The following HCN4 variants were observed in gnomAD, a reference collection of about 807,000 sequenced individuals.
HCN4 encodes potassium/sodium hyperpolarization-activated cyclic nucleotide-gated channel 4.
In HCN4, 29 loss-of-function variants were observed where a neutral mutation model predicts 76.9. The observed-to-expected ratio is 0.38, with a 90% CI of 0.28 to 0.51. The LOEUF (loss-of-function observed/expected upper bound fraction) is 0.51, where lower values mean the gene tolerates loss of function less well. HCN4 is among the 20% of genes least tolerant of loss of function. The pLI is 0.90. For missense variants in HCN4, 1,416 were observed against 1,715.2 expected (o/e 0.83, Z 3.08); for synonymous variants, 772 against 762.5 (o/e 1.01, Z -0.21).
At chr15:73,358,702 T>C (rs1244271055) in intron 1 of HCN4, among the ~76,000 whole-genome samples, 1 of 152,188 alleles carries the variant, frequency 6.6e-6, no homozygotes, top group Non-Finnish European at 1.5e-5. Flanking sequence ...AGGTTCTGAA[T>C]AAGCAGCCCC....
intron 1 of HCN4, among the ~76,000 whole-genome samples, chr15:73,345,105 G>A (rs1255905836): frequency 6.6e-6 from 1 of 152,250 alleles, no homozygotes; most frequent in Non-Finnish European, 1.5e-5. Context: ...CTTTCCTCGA[G>A]TCTTCAGAGG....
In HCN4 at chr15:73,343,324, G is replaced by A. The variant is rs2043015646; in HGVS notation, c.1209+61C>T. The A allele has an allele frequency of 1.3e-6, 2 of 1,533,990 alleles. No homozygotes were observed. The highest frequency in any genetic ancestry group is 4.6e-5 in the East Asian group (2 of 43,816). On this transcript the variant is annotated intron_variant, in intron 2 of 7. Transcript: ENST00000261917. The surrounding 1 kb of genome is among the most constrained non-coding windows in gnomAD (Gnocchi z 5.7). Reference sequence around the variant, plus strand: ...TTCAATTATCTGAGGTTCCCTGCCAGTTCCTCACTCCCTCTGTGGGGAGTG... The same window carrying A: ...TTCAATTATCTGAGGTTCCCTGCCAATTCCTCACTCCCTCTGTGGGGAGTG...
In HCN4 at chr15:73,368,447, C is replaced by A; in HGVS notation, c.-177G>T. 1 of 391,000 alleles carries A rather than the reference C, an allele frequency of 2.6e-6. No individual in the cohort carries two copies. Among genetic ancestry groups the A allele is most frequent in the Non-Finnish European group, 4.4e-6 (1 of 226,410 alleles). The allele number at this position is 391,000 out of a possible 1,614,324, so 24.2% of individuals were successfully genotyped here. ...GCGCGCCGCGGGGAGGATCCTAGTC[C>A]CGCTCCGAGTCCCCGGGCTCGCCGC... On this transcript the variant is annotated 5_prime_UTR_variant, in exon 1 of 8. Transcript: ENST00000261917. This position sits in a 1 kb window ranked among gnomAD's most constrained non-coding sequence, Gnocchi z 6.9.
rs1452387135 is a variant in HCN4, at chr15:73,321,870, T to C, written c.*611A>G. The C allele has an allele frequency of 6.3e-6, 1 of 157,682 alleles. No individual in the cohort carries two copies. The highest frequency in any genetic ancestry group is 1.4e-5 in the Non-Finnish European group (1 of 71,272). 9.8% of individuals were successfully genotyped at this position (157,682 alleles called of 1,614,324 possible). ...ACGTGTGCGCACATGTGAGTGGCTA[T>C]CTACATGGCTCTACAGAGCGCTACA... is the stretch of plus-strand genomic sequence containing the variant. On this transcript the variant is annotated 3_prime_UTR_variant, in exon 8 of 8. Transcript: ENST00000261917.
chr15:73,368,276 C>T lies in HCN4; in HGVS notation c.-6G>A, dbSNP rs1252960809. On this transcript the variant is annotated 5_prime_UTR_variant, in exon 1 of 8. Transcript: ENST00000261917. This position sits in a 1 kb window ranked among gnomAD's most constrained non-coding sequence, Gnocchi z 6.9. ...GACGGCGGCAGCTTGTCCATGGCGC[C>T]AGGGGCCGGGGTCGGACCGGGCCGG... 1 of 1,485,130 alleles carries T rather than the reference C, an allele frequency of 6.7e-7. No individual in the cohort carries two copies. Among genetic ancestry groups the T allele is most frequent in the Non-Finnish European group, 8.9e-7 (1 of 1,122,216 alleles). 92.0% of individuals were successfully genotyped at this position (1,485,130 alleles called of 1,614,324 possible).
rs894299386 is a variant in HCN4, at chr15:73,367,422, G to A, written c.785+64C>T. The A allele has an allele frequency of 3.7e-6, 6 of 1,608,814 alleles. No homozygotes were observed. The East Asian group carries it at 1.3e-4, about 36-fold the overall frequency. On this transcript the variant is annotated intron_variant, in intron 1 of 7. Transcript: ENST00000261917. The surrounding 1 kb of genome is among the most constrained non-coding windows in gnomAD (Gnocchi z 7.5). ...AAGTTAACTCCGGCTGGGAGGCAGG[G>A]TCAGGAGGAGGCATGCCTGCCACCG...
chr15:73,327,687 G>A (rs1426688001), intron 4 of HCN4, among the ~76,000 whole-genome samples: 1 of 152,024 alleles, frequency 6.6e-6, no homozygotes, highest in Non-Finnish European at 1.5e-5. Context: ...AGGAGGTAGA[G>A]AAGGGTCCTC....
intron 2 of HCN4, among the ~76,000 whole-genome samples, chr15:73,340,555 C>T (rs1420290558): frequency 6.6e-6 from 1 of 152,186 alleles, no homozygotes; most frequent in Non-Finnish European, 1.5e-5. Flanking sequence ...CACAGCCCCT[C>T]AGAGTGGACC....
intron 1 of HCN4, among the ~76,000 whole-genome samples, chr15:73,357,220 G>A (rs370590182): frequency 3.3e-5 from 5 of 152,278 alleles, no homozygotes; most frequent in African/African-American, 7.2e-5. Flanking sequence ...AGAGAGGTGA[G>A]GCCTCAGTTA....
intron 2 of HCN4, among the ~76,000 whole-genome samples, chr15:73,342,159 C>T (rs558971332): frequency 6.8e-4 from 104 of 152,328 alleles, no homozygotes; most frequent in African/African-American, 2.4e-3. Flanking sequence ...AGACACAGAC[C>T]GAAGCACTTG....
chr15:73,352,516 G>C (rs1412458729), intron 1 of HCN4, among the ~76,000 whole-genome samples: 1 of 152,234 alleles, frequency 6.6e-6, no homozygotes, highest in Non-Finnish European at 1.5e-5. Flanking sequence ...ACAGACATGG[G>C]ACAGAAGAAA....
chr15:73,357,237 C>CA (rs2043085355), intron 1 of HCN4, among the ~76,000 whole-genome samples: 1 of 152,180 alleles, frequency 6.6e-6, no homozygotes, highest in African/African-American at 2.4e-5. Context: ...GTTAAGTCCA[C>CA]ACAGCTGGGC....
At position 73,367,875 on chromosome 15, in the gene HCN4, G is replaced by A; in HGVS notation, c.396C>T (p.Ile132=). 7.4e-7 allele frequency: 1 copy of A among 1,343,976 alleles called. No individual in the cohort carries two copies. Among genetic ancestry groups the A allele is most frequent in the South Asian group, 1.9e-5 (1 of 51,616 alleles). 83.3% of individuals were successfully genotyped at this position (1,343,976 alleles called of 1,614,324 possible). ...LHDSAEERRL[I]AEGDASPGED... is the part of the protein sequence containing the mutation. ...CGCCGGGGGACGCGTCGCCCTCGGC[G>A]ATGAGCCGCCGCTCCTCCGCGGAGT... The change falls in exon 1 of 8, where the codon ATC becomes ATT. Residue 132 remains isoleucine, a synonymous_variant. Coordinates refer to ENST00000261917, the MANE Select transcript of HCN4 (RefSeq NM_005477.3). This position sits in a 1 kb window ranked among gnomAD's most constrained non-coding sequence, Gnocchi z 7.5.
At chr15:73,337,092 C>G (rs1215285897) in intron 2 of HCN4, among the ~76,000 whole-genome samples, 1 of 152,216 alleles carries the variant, frequency 6.6e-6, no homozygotes, top group African/African-American at 2.4e-5. Context: ...CTGCCTCCAG[C>G]TCCTTCTTGT....
chr15:73,327,675 C>T (rs561667756), intron 4 of HCN4, among the ~76,000 whole-genome samples: 1 of 151,888 alleles, frequency 6.6e-6, no homozygotes, highest in Non-Finnish European at 1.5e-5. Context: ...CTCTACCTCC[C>T]TAGGAGGTAG....
At chr15:73,324,826 T>C in intron 6 of HCN4, 129 bp downstream of exon 6, 2 of 1,155,028 alleles carry the variant, frequency 1.7e-6, no homozygotes, top group Non-Finnish European at 2.5e-6. Context: ...ACCCCTACCC[T>C]GGGCTCACAG....
chr15:73,336,930 G>A (rs990454133), intron 2 of HCN4, among the ~76,000 whole-genome samples: 1 of 152,108 alleles, frequency 6.6e-6, no homozygotes, highest in Non-Finnish European at 1.5e-5. Context: ...TGTGGCCCTC[G>A]GCATCTCGGC....
chr15:73,363,821 C>T (rs2043116955), intron 1 of HCN4, among the ~76,000 whole-genome samples: 1 of 152,154 alleles, frequency 6.6e-6, no homozygotes, highest in Non-Finnish European at 1.5e-5. Flanking sequence ...CACAGTTGTA[C>T]AATTTGTGCT....
chr15:73,366,143 G>A (rs922294463), intron 1 of HCN4, among the ~76,000 whole-genome samples: 1 of 152,150 alleles, frequency 6.6e-6, no homozygotes, highest in East Asian at 1.9e-4. Context: ...TGGGAACCCT[G>A]GAGATATTAG....
Sources: allele counts gnomAD v4.1 joint callset (sites outside exome capture counted in the v4.1 genomes callset), GRCh38; gene constraint gnomAD v4.1.1; non-coding constraint Gnocchi (gnomAD v3.1); transcripts MANE v1.5; gene names NCBI Gene and HGNC (gene_info 2026-07-23, HGNC 2026-07-21).